USP38: variants seen among roughly 807,000 people sequenced by gnomAD.
USP38 encodes ubiquitin carboxyl-terminal hydrolase 38.
A neutral mutation model predicts 94.3 loss-of-function variants in USP38; 49 were observed. The observed-to-expected ratio is 0.52, with a 90% CI of 0.41 to 0.66. USP38 has a LOEUF of 0.66. Among genes scored for constraint, USP38 ranks in the 30% least tolerant of loss-of-function variants. USP38 has a pLI of 0.00. For synonymous variants in USP38, 468 were observed against 463.6 expected, an observed-to-expected ratio of 1.01 and a Z score of -0.12; for missense variants, 1,128 against 1,229.4, an observed-to-expected ratio of 0.92 and a Z score of 1.23.
At chr4:143,203,954 A>T (rs1731789439) in intron 5 of USP38, among the ~76,000 whole-genome samples, 1 of 151,418 alleles carries the variant, frequency 6.6e-6, no homozygotes, top group Non-Finnish European at 1.5e-5. Flanking sequence ...AAAATATTTG[A>T]CTTTGATTTC....
intron 3 of USP38, among the ~76,000 whole-genome samples, chr4:143,197,294 C>T (rs896024861): frequency 4.6e-5 from 7 of 152,128 alleles, no homozygotes; most frequent in African/African-American, 9.7e-5. Context: ...ATTTATTGAA[C>T]GCTATATAAA....
intron 2 of USP38, 80 bp downstream of exon 2, chr4:143,188,041 A>C: frequency 7.0e-7 from 1 of 1,418,818 alleles, no homozygotes; most frequent in South Asian, 1.6e-5. Flanking sequence ...GTAATGAAAA[A>C]CTTACGAATG....
At chr4:143,219,208 A>G (rs186510158) in intron 9 of USP38, among the ~76,000 whole-genome samples, 45 of 152,214 alleles carry the variant, frequency 3.0e-4, no homozygotes, top group African/African-American at 1.1e-3. Context: ...TCAGCCATAA[A>G]AATAGGTGAT....
In USP38 at chr4:143,186,079, C is replaced by G; in HGVS notation, c.629C>G (p.Pro210Arg). ...NLLQNIWKAE[P>R]ATLLPSLQEV... Reference sequence around the variant, plus strand: ...CTGCAGAACATCTGGAAGGCCGAGCCTGCCACACTACTGCCTTCCCTGCAA... The same window carrying G: ...CTGCAGAACATCTGGAAGGCCGAGCGTGCCACACTACTGCCTTCCCTGCAA... The change falls in exon 1 of 10, where the codon CCT (proline) becomes CGT (arginine). Residue 210 changes from proline to arginine, a missense_variant. Coordinates refer to ENST00000307017, the MANE Select transcript of USP38 (RefSeq NM_032557.6). 6.2e-7 allele frequency: 1 copy of G among 1,614,214 alleles called. No individual in the cohort carries two copies. The highest frequency in any genetic ancestry group is 2.2e-5 in the East Asian group (1 of 44,882).
rs1028529136 is a variant in USP38 at position 143,215,098 on chromosome 4, T to C, written c.2967+155T>C. On this transcript the variant is annotated intron_variant, in intron 9 of 9. Coordinates refer to ENST00000307017, the MANE Select transcript of USP38 (RefSeq NM_032557.6). ...AGTATTCTCAACCTGTATAACTAAA[T>C]TGCCTTTCTAATATTGTGACAATTT... 7 of 746,662 alleles carry C rather than the reference T, an allele frequency of 9.4e-6. No homozygotes were observed. In the African/African-American group the frequency reaches 1.1e-4, roughly 11 times the overall value. The allele number at this position is 746,662 out of a possible 1,614,324, so 46.3% of individuals were successfully genotyped here. A position where few individuals can be genotyped will look rare whatever the true frequency, so the allele number is the denominator to read the frequency against.
At chr4:143,197,012 T>A (rs1319039704) in intron 3 of USP38, among the ~76,000 whole-genome samples, 1 of 152,210 alleles carries the variant, frequency 6.6e-6, no homozygotes, top group Non-Finnish European at 1.5e-5. Flanking sequence ...GCAGCAGCCT[T>A]CCTGCTCCTG....
Position 143,214,077 on chromosome 4 carries a change from C to A in USP38, c.2101C>A (p.Leu701Ile), listed in dbSNP as rs1581168461. Reference sequence around the variant, plus strand: ...TGTCCCTAACGAATCTAACAAGATTCTTGTTAATAAAGATGTACCTCAGAA... The same window carrying A: ...TGTCCCTAACGAATCTAACAAGATTATTGTTAATAAAGATGTACCTCAGAA... ...TSVPNESNKILVNKDVPQKPG... is the reference protein window; with the variant it reads ...TSVPNESNKIIVNKDVPQKPG... The change falls in exon 9 of 10, where the codon CTT (leucine) becomes ATT (isoleucine). Residue 701 changes from leucine (L) to isoleucine (I), a missense_variant. By Grantham distance (5) the Leu-to-Ile change is conservative. Coordinates refer to ENST00000307017, the MANE Select transcript of USP38 (RefSeq NM_032557.6). 1 of 1,613,600 alleles carries A rather than the reference C, an allele frequency of 6.2e-7. No homozygotes were observed. Among genetic ancestry groups the A allele is most frequent in the East Asian group, 2.2e-5 (1 of 44,852 alleles).
intron 8 of USP38, 58 bp from the exon 9 acceptor site, chr4:143,213,523 A>G (rs1385198611): frequency 6.9e-7 from 1 of 1,448,530 alleles, no homozygotes; most frequent in African/African-American, 1.4e-5. Context: ...ATATTTTTAA[A>G]TAGAAATGAC....
chr4:143,190,604 C>A (rs1245327485), intron 2 of USP38, among the ~76,000 whole-genome samples: 1 of 152,058 alleles, frequency 6.6e-6, no homozygotes, highest in Non-Finnish European at 1.5e-5. Flanking sequence ...TGGTCACAAA[C>A]CTATAAGCAA....
chr4:143,186,067 G>T lies in USP38; in HGVS notation c.617G>T (p.Trp206Leu). 1 of 1,614,150 alleles carries T rather than the reference G, an allele frequency of 6.2e-7. No homozygotes were observed. The highest frequency in any genetic ancestry group is 8.5e-7 in the Non-Finnish European group (1 of 1,180,028). Residue 206 changes from tryptophan to leucine, a missense_variant, in exon 1 of 10, where the codon TGG (tryptophan) becomes TTG (leucine). Trp to Leu is a moderately conservative substitution (Grantham distance 61). Transcript: ENST00000307017. ...GTGAGTAACTTGCTGCAGAACATCTGGAAGGCCGAGCCTGCCACACTACTG... is the reference window on the plus strand; with the variant it reads ...GTGAGTAACTTGCTGCAGAACATCTTGAAGGCCGAGCCTGCCACACTACTG... ...TKVSNLLQNIWKAEPATLLPS... is the reference protein window; with the variant it reads ...TKVSNLLQNILKAEPATLLPS...
In USP38 at chr4:143,185,737, T is replaced by C. The variant is rs2149602365; in HGVS notation, c.287T>C (p.Leu96Pro). The change falls in exon 1 of 10, where the codon CTG (leucine) becomes CCG (proline). Residue 96 changes from leucine to proline, a missense_variant. Leu to Pro is a moderately conservative substitution (Grantham distance 98). Transcript: ENST00000307017. The part of the protein sequence containing the change: ...LGLLHQGYHS[L>P]DRKDVAILDY... Reference sequence around the variant, plus strand: ...CTCCTTCATCAGGGCTACCACTCTCTGGACAGGAAGGATGTAGCCATCCTG... The same window carrying C: ...CTCCTTCATCAGGGCTACCACTCTCCGGACAGGAAGGATGTAGCCATCCTG... 2 of 1,614,178 alleles carry C rather than the reference T, an allele frequency of 1.2e-6. No individual in the cohort carries two copies. Among genetic ancestry groups the C allele is most frequent in the East Asian group, 2.2e-5 (1 of 44,864 alleles).
chr4:143,204,606 C>A, intron 5 of USP38: 1 of 311,880 alleles, frequency 3.2e-6, no homozygotes, highest in South Asian at 2.4e-5. Flanking sequence ...TCAGGCTGGT[C>A]TTGAATTCCT....
chr4:143,193,561 A>G (rs918686337), intron 2 of USP38, among the ~76,000 whole-genome samples: 2 of 152,226 alleles, frequency 1.3e-5, no homozygotes, highest in African/African-American at 4.8e-5. Flanking sequence ...ACTTGTAACC[A>G]TCATTGTTGG....
At chr4:143,195,500 A>T (rs1731517287) in intron 2 of USP38, among the ~76,000 whole-genome samples, 1 of 152,244 alleles carries the variant, frequency 6.6e-6, no homozygotes, top group African/African-American at 2.4e-5. Context: ...TTATGGAAAT[A>T]TGTTGGATAT....
chr4:143,202,262 A>G (rs539656450), intron 4 of USP38, among the ~76,000 whole-genome samples: 1 of 152,302 alleles, frequency 6.6e-6, no homozygotes, highest in South Asian at 2.1e-4. Flanking sequence ...AGGTAATGCA[A>G]AAGCTACAGT....
chr4:143,210,845 T>A (rs1732004576), intron 7 of USP38, among the ~76,000 whole-genome samples: 1 of 152,102 alleles, frequency 6.6e-6, no homozygotes, highest in Middle Eastern at 3.4e-3. Context: ...CAAATATAAC[T>A]TCTTAAATGG....
At chr4:143,215,101 C>A in intron 9 of USP38, 158 bp downstream of exon 9, 1 of 724,086 alleles carries the variant, frequency 1.4e-6, no homozygotes, top group East Asian at 2.8e-5. Context: ...AACTAAATTG[C>A]CTTTCTAATA....
chr4:143,220,559 C>T lies in USP38; in HGVS notation c.*103C>T, dbSNP rs1411406016. The T allele has an allele frequency of 1.7e-6, 2 of 1,170,640 alleles. No individual in the cohort carries two copies. Among genetic ancestry groups the T allele is most frequent in the African/African-American group, 1.6e-5 (1 of 62,740 alleles). The allele number at this position is 1,170,640 out of a possible 1,614,324, so 72.5% of individuals were successfully genotyped here. A position where few individuals can be genotyped will look rare whatever the true frequency, so the allele number is the denominator to read the frequency against. On this transcript the variant is annotated 3_prime_UTR_variant, in exon 10 of 10. Transcript: ENST00000307017. Reference sequence around the variant, plus strand: ...TCTATCTTTTATTTTTCATTAGACCCTTATACTTCAAGAGAACACACTCAG... The same window carrying T: ...TCTATCTTTTATTTTTCATTAGACCTTTATACTTCAAGAGAACACACTCAG...
chr4:143,194,968 T>C (rs1002179925), intron 2 of USP38, among the ~76,000 whole-genome samples: 1 of 151,922 alleles, frequency 6.6e-6, no homozygotes, highest in East Asian at 1.9e-4. Flanking sequence ...TAGTGCAAAA[T>C]GAAGCCATTA....
Sources: gnomAD v4.1 joint callset for allele counts (sites outside exome capture counted in the v4.1 genomes callset) on GRCh38, gnomAD v4.1.1 for gene constraint, MANE v1.5 for transcripts, NCBI Gene and HGNC (gene_info 2026-07-23, HGNC 2026-07-21) for gene names.